The following THADA variants were observed in gnomAD, a reference collection of about 807,000 sequenced individuals.
THADA encodes the protein tRNA (32-2'-O)-methyltransferase regulator THADA.
Under a neutral mutation model 219.8 loss-of-function variants are expected in THADA, and 213 were observed. That is an observed-to-expected ratio of 0.97 (90% confidence interval 0.87 to 1.09). THADA has a LOEUF of 1.09. Ranked by LOEUF, THADA falls within the 50% of genes least tolerant of loss-of-function variation. The pLI is 0.00. For synonymous variants in THADA, 1,018 were observed against 828.9 expected (o/e 1.23, Z -3.92); for missense variants, 2,956 against 2,311.3 (o/e 1.28, Z -5.72).
chr2:43,592,079 G>C, intron 2 of THADA, 33 bp from the exon 3 acceptor site: 1 of 1,479,228 alleles, frequency 6.8e-7, no homozygotes, highest in Non-Finnish European at 9.1e-7. Context: ...AATTTTCAAT[G>C]ATTTAACAGT....
At chr2:43,424,860 C>A (rs1199700461) in intron 28 of THADA, among the ~76,000 whole-genome samples, 1 of 152,154 alleles carries the variant, frequency 6.6e-6, no homozygotes, top group Admixed American at 6.5e-5. Flanking sequence ...CACCATGTGC[C>A]ACACATGGTT....
At chr2:43,359,333 GGCCTGTGATATCAGTCCTTATGA>G (rs1307586735) in intron 29 of THADA, among the ~76,000 whole-genome samples, 1 of 152,170 alleles carries the variant, frequency 6.6e-6, no homozygotes, top group African/African-American at 2.4e-5. Context: ...TGAACCAAGG[GGCCTGTGATATCAGTCCTTATGA>G]GCCTCCTCGG....
intron 28 of THADA, among the ~76,000 whole-genome samples, chr2:43,420,319 C>T (rs996744474): frequency 3.9e-5 from 6 of 152,190 alleles, no homozygotes; most frequent in Non-Finnish European, 5.9e-5. Context: ...ATTAGCTAGA[C>T]GGTAAGTTCT....
chr2:43,509,889 A>G (rs773570080), intron 22 of THADA, among the ~76,000 whole-genome samples: 1 of 152,208 alleles, frequency 6.6e-6, no homozygotes, highest in Admixed American at 6.5e-5. Flanking sequence ...TCCTTTTAGC[A>G]TATCTTAAAA....
intron 36 of THADA, among the ~76,000 whole-genome samples, chr2:43,274,135 A>G (rs907718095): frequency 9.2e-5 from 14 of 151,914 alleles, no homozygotes; most frequent in African/African-American, 2.9e-4. Flanking sequence ...CTCCCAGATA[A>G]CCCAGGGGCA....
At chr2:43,527,102 T>G (rs1361023774) in intron 22 of THADA, among the ~76,000 whole-genome samples, 2 of 152,176 alleles carry the variant, frequency 1.3e-5, no homozygotes, top group African/African-American at 4.8e-5. Flanking sequence ...AAAAAAAGTT[T>G]CAAAAATATT....
Position 43,319,536 on chromosome 2 carries a change from G to C in THADA, c.4438+910C>G, listed in dbSNP as rs562941543. ...ACCTCCCCGACCTCCCTCCTGCAAA[G>C]CATTTTAAATTGGTTTGAATTTGGG... On this transcript the variant is annotated intron_variant, in intron 31 of 37. Transcript: ENST00000405975. Among the ~76,000 whole-genome samples the C allele has an allele frequency of 5.3e-5, 8 of 152,222 alleles. No homozygotes were observed. In the South Asian group the frequency reaches 1.7e-3, roughly 32 times the overall value.
intron 31 of THADA, among the ~76,000 whole-genome samples, chr2:43,319,320 G>C (rs953533416): frequency 4.6e-5 from 7 of 152,142 alleles, no homozygotes; most frequent in Non-Finnish European, 1.0e-4. Context: ...TGGGATAAGA[G>C]GCATAAACTG....
In THADA at chr2:43,235,830, A is replaced by G. The variant is rs1385556681; in HGVS notation, c.5297-2948T>C. Reference sequence around the variant, plus strand: ...CTGCACCATTTTTTTTTTTTGAGACAGAGTCTCGCTCTGTCGCCCAGGCTG... The same window carrying G: ...CTGCACCATTTTTTTTTTTTGAGACGGAGTCTCGCTCTGTCGCCCAGGCTG... On this transcript the variant is annotated intron_variant, in intron 36 of 37. Transcript: ENST00000405975. Among the ~76,000 whole-genome samples, 4 of 150,890 alleles carry G rather than the reference A, an allele frequency of 2.7e-5. No individual in the cohort carries two copies. In the East Asian group the frequency reaches 7.9e-4, roughly 30 times the overall value.
intron 30 of THADA, among the ~76,000 whole-genome samples, chr2:43,331,198 C>A (rs1473869230): frequency 1.3e-5 from 2 of 152,154 alleles, no homozygotes; most frequent in African/African-American, 4.8e-5. Context: ...TCTAAATTCC[C>A]TTTACTGTTA....
rs553847232 is a variant in THADA at position 43,287,915 on chromosome 2, T to G, written c.5011-854A>C. Among the ~76,000 whole-genome samples, 57 of 152,330 alleles carry G rather than the reference T, an allele frequency of 3.7e-4. No homozygotes were observed. The South Asian group carries it at 0.012, about 32-fold the overall frequency. On this transcript the variant is annotated intron_variant, in intron 34 of 37. Transcript: ENST00000405975. ...AGGAAATGCCCATGATCTTTATTTC[T>G]TGGGTTTCCCCTTCCTGCTGGCTAA...
At chr2:43,398,862 T>C (rs1213111441) in intron 28 of THADA, among the ~76,000 whole-genome samples, 1 of 152,136 alleles carries the variant, frequency 6.6e-6, no homozygotes. Context: ...GAACTTACTG[T>C]TAAGAGAACA....
chr2:43,510,020 G>A (rs1236995828), intron 22 of THADA, among the ~76,000 whole-genome samples: 1 of 152,154 alleles, frequency 6.6e-6, no homozygotes, highest in East Asian at 1.9e-4. Context: ...TGTAGTGTGT[G>A]AACCTTGCTT....
intron 30 of THADA, among the ~76,000 whole-genome samples, chr2:43,324,949 C>T (rs899806455): frequency 3.9e-5 from 6 of 152,154 alleles, no homozygotes; most frequent in Admixed American, 2.6e-4. Flanking sequence ...TAGTGGCTTT[C>T]GAAGGAGGAG....
rs552674209 is a variant in THADA, at chr2:43,534,467, A to T, written c.3265-6479T>A. On this transcript the variant is annotated intron_variant, in intron 21 of 37. Transcript: ENST00000405975. ...TAATTTGGTATCCTTTCACAACTCT[A>T]CCTATCTCCACCCTCTCAACTACTC... Among the ~76,000 whole-genome samples the T allele has an allele frequency of 9.2e-5, 14 of 151,954 alleles. No homozygotes were observed. The South Asian group carries it at 2.9e-3, about 32-fold the overall frequency.
At chr2:43,414,461 C>A (rs1676694243) in intron 28 of THADA, among the ~76,000 whole-genome samples, 1 of 152,194 alleles carries the variant, frequency 6.6e-6, no homozygotes, top group Admixed American at 6.5e-5. Flanking sequence ...GTTCATCCAA[C>A]ATACTATGGT....
chr2:43,422,480 C>A (rs1677839198), intron 28 of THADA, among the ~76,000 whole-genome samples: 1 of 152,124 alleles, frequency 6.6e-6, no homozygotes, highest in African/African-American at 2.4e-5. Flanking sequence ...GGCTAACCAA[C>A]AGAGTTCAGG....
At chr2:43,231,957 G>C (rs1273582941) in intron 37 of THADA, among the ~76,000 whole-genome samples, 1 of 146,938 alleles carries the variant, frequency 6.8e-6, no homozygotes, top group Non-Finnish European at 1.5e-5. Flanking sequence ...TTTGCTGCTT[G>C]TCTTTGTCCT....
At chr2:43,551,456 T>C (rs960587791) in intron 19 of THADA, among the ~76,000 whole-genome samples, 1 of 152,130 alleles carries the variant, frequency 6.6e-6, no homozygotes, top group African/African-American at 2.4e-5. Flanking sequence ...ATCCCATTGG[T>C]GTTCAAAAAG....
Sources: allele counts gnomAD v4.1 joint callset (sites outside exome capture counted in the v4.1 genomes callset), GRCh38; gene constraint gnomAD v4.1.1; transcripts MANE v1.5; gene names NCBI Gene and HGNC (gene_info 2026-07-23, HGNC 2026-07-21).